The following PDE4D variants were observed in gnomAD, a reference collection of about 807,000 sequenced individuals.
PDE4D encodes the protein phosphodiesterase 4D.
Under a neutral mutation model 87.4 loss-of-function variants are expected in PDE4D, and 24 were observed. The ratio of observed to expected loss-of-function variants is 0.27; its 90% CI spans 0.20 to 0.39. The LOEUF is 0.39. Among genes scored for constraint, PDE4D ranks in the 10% least tolerant of loss-of-function variants. The probability of loss-of-function intolerance (pLI) is 1.00; values close to 1 mark genes in which losing one functional copy is unlikely to be tolerated. For synonymous variants in PDE4D, 384 were observed against 383.2 expected (o/e 1.00, Z -0.02); for missense variants, 714 against 1,041.0 (o/e 0.69, Z 4.32).
intron 3 of PDE4D, among the ~76,000 whole-genome samples, chr5:59,965,937 G>A (rs1167211759): frequency 6.6e-6 from 1 of 152,142 alleles, no homozygotes; most frequent in Non-Finnish European, 1.5e-5. Context: ...ACAACCCTTA[G>A]TCTAACTTGT....
intron 2 of PDE4D, among the ~76,000 whole-genome samples, chr5:59,213,034 A>T (rs539931365): frequency 5.2e-4 from 79 of 151,070 alleles, no homozygotes; most frequent in African/African-American, 1.6e-3. Flanking sequence ...AAATGTTTAG[A>T]GAACTCATGG....
chr5:59,488,744 C>T (rs1227754784), intron 1 of PDE4D, among the ~76,000 whole-genome samples: 2 of 148,926 alleles, frequency 1.3e-5, no homozygotes, highest in Non-Finnish European at 3.0e-5. Flanking sequence ...TTCACAATTT[C>T]AGGAGACTTG....
At chr5:59,436,763 T>C (rs1443819838) in intron 1 of PDE4D, among the ~76,000 whole-genome samples, 1 of 152,204 alleles carries the variant, frequency 6.6e-6, no homozygotes, top group Non-Finnish European at 1.5e-5. Flanking sequence ...ATGGAGCCTC[T>C]TTGAGAGCGG....
chr5:60,049,854 C>G (rs896654569), intron 2 of PDE4D, among the ~76,000 whole-genome samples: 1 of 152,218 alleles, frequency 6.6e-6, no homozygotes, highest in Non-Finnish European at 1.5e-5. Context: ...GTGGAGCCTA[C>G]AGAGGCAGGC....
At chr5:58,992,201 A>G (rs1748074343) in intron 7 of PDE4D, among the ~76,000 whole-genome samples, 197 bp from the exon 8 acceptor site, 1 of 152,180 alleles carries the variant, frequency 6.6e-6, no homozygotes, top group South Asian at 2.1e-4. Context: ...AATTAAGCAA[A>G]TAAGTTCCAT....
At chr5:59,511,709 A>G (rs1411026282) in intron 1 of PDE4D, among the ~76,000 whole-genome samples, 1 of 152,084 alleles carries the variant, frequency 6.6e-6, no homozygotes, top group Non-Finnish European at 1.5e-5. Context: ...AAAATGAATA[A>G]TAATTTTCAA....
intron 1 of PDE4D, among the ~76,000 whole-genome samples, chr5:60,494,029 A>C (rs963442295): frequency 1.1e-4 from 16 of 152,214 alleles, no homozygotes; most frequent in Admixed American, 8.5e-4. Context: ...CAATAAAATC[A>C]AATGTGAGGC....
chr5:59,267,676 GAGGAAATGGGTT>G (rs1261763310), intron 1 of PDE4D, among the ~76,000 whole-genome samples: 1 of 152,082 alleles, frequency 6.6e-6, no homozygotes, highest in East Asian at 1.9e-4. Context: ...TGACAACTAA[GAGGAAATGGGTT>G]AGAATTTAAG....
At chr5:60,456,991 G>A (rs532861550) in intron 1 of PDE4D, among the ~76,000 whole-genome samples, 221 of 152,158 alleles carry the variant, frequency 1.5e-3, no homozygotes, top group Non-Finnish European at 1.5e-3. Flanking sequence ...GAGCTAGTGA[G>A]TGTTATCAGT....
chr5:59,725,657 G>T (rs2150577565), intron 1 of PDE4D, among the ~76,000 whole-genome samples: 1 of 152,146 alleles, frequency 6.6e-6, no homozygotes, highest in East Asian at 1.9e-4. Flanking sequence ...AACCTAATTT[G>T]AAATGTTATT....
chr5:59,817,276 G>A (rs143634460), intron 1 of PDE4D, among the ~76,000 whole-genome samples: 86 of 152,346 alleles, frequency 5.6e-4, no homozygotes, highest in African/African-American at 2.0e-3. Context: ...TAGGGGAGAA[G>A]AGGGAGCTCT....
At chr5:60,322,819 C>T (rs1278370108) in intron 1 of PDE4D, among the ~76,000 whole-genome samples, 2 of 152,132 alleles carry the variant, frequency 1.3e-5, no homozygotes, top group African/African-American at 4.8e-5. Flanking sequence ...TTTTCCAGTC[C>T]TCACTCACTC....
intron 1 of PDE4D, among the ~76,000 whole-genome samples, chr5:59,745,784 G>A (rs1759515630): frequency 6.6e-6 from 1 of 152,144 alleles, no homozygotes; most frequent in South Asian, 2.1e-4. Flanking sequence ...GTTTGCACAT[G>A]TTGCTTGCAG....
intron 1 of PDE4D, among the ~76,000 whole-genome samples, chr5:59,712,429 T>TATATATATATATATATA (rs1754342946): frequency 1.5e-5 from 2 of 131,636 alleles, no homozygotes; most frequent in African/African-American, 2.8e-5. Flanking sequence ...TATATATATA[T>TATATATATATATATATA]TTAAGTTGTT....
At chr5:59,087,203 G>T (rs898862998) in intron 5 of PDE4D, among the ~76,000 whole-genome samples, 7 of 152,092 alleles carry the variant, frequency 4.6e-5, no homozygotes, top group Admixed American at 3.9e-4. Flanking sequence ...AAAAAAATAA[G>T]GCCAGATGTG....
chr5:59,989,275 G>A (rs1183500586), intron 2 of PDE4D, among the ~76,000 whole-genome samples: 1 of 151,424 alleles, frequency 6.6e-6, no homozygotes, highest in Non-Finnish European at 1.5e-5. Context: ...AACACAATGG[G>A]AAATATTTGT....
intron 2 of PDE4D, among the ~76,000 whole-genome samples, chr5:60,136,833 C>T (rs966574734): frequency 6.6e-6 from 1 of 152,096 alleles, no homozygotes; most frequent in Non-Finnish European, 1.5e-5. Flanking sequence ...TTCATGGGTA[C>T]ATGTGCGGGA....
At chr5:59,104,872 C>T (rs1195067390) in intron 5 of PDE4D, among the ~76,000 whole-genome samples, 3 of 152,172 alleles carry the variant, frequency 2.0e-5, no homozygotes, top group Non-Finnish European at 4.4e-5. Context: ...AGCCTGTTTA[C>T]TGCAAACATA....
chr5:60,029,025 G>A (rs1295128781), intron 2 of PDE4D, among the ~76,000 whole-genome samples: 4 of 152,212 alleles, frequency 2.6e-5, no homozygotes, highest in Non-Finnish European at 4.4e-5. Flanking sequence ...TGTCCTCCCC[G>A]CTAAATTAAA....
Sources: gnomAD v4.1 joint callset for allele counts (sites outside exome capture counted in the v4.1 genomes callset) on GRCh38, gnomAD v4.1.1 for gene constraint, MANE v1.5 for transcripts, NCBI Gene and HGNC (gene_info 2026-07-23, HGNC 2026-07-21) for gene names.